The following LYST variants were observed in gnomAD, a reference collection of about 807,000 sequenced individuals.
LYST encodes lysosomal trafficking regulator.
A neutral mutation model predicts 413.6 loss-of-function variants in LYST; 192 were observed. The ratio of observed to expected loss-of-function variants is 0.46; its 90% CI spans 0.41 to 0.52. The LOEUF is 0.52. Ranked by LOEUF, LYST falls within the 20% of genes least tolerant of loss-of-function variation. The pLI is 0.00. For synonymous variants in LYST, 1,525 were observed against 1,567.3 expected, an observed-to-expected ratio of 0.97 and a Z score of 0.64; for missense variants, 3,815 against 4,499.9, an observed-to-expected ratio of 0.85 and a Z score of 4.35.
At chr1:235,691,433 C>G (rs79755770) in intron 47 of LYST, among the ~76,000 whole-genome samples, 9 of 152,306 alleles carry the variant, frequency 5.9e-5, no homozygotes, top group East Asian at 1.9e-4. Context: ...TTCTACTATA[C>G]ATGATGTCTG....
chr1:235,673,668 G>A (rs1659151592), intron 50 of LYST, among the ~76,000 whole-genome samples: 1 of 152,150 alleles, frequency 6.6e-6, no homozygotes, highest in Non-Finnish European at 1.5e-5. Flanking sequence ...TGGTCTAGGA[G>A]AAAATGCCGT....
At chr1:235,741,124 A>G (rs1241646848) in intron 31 of LYST, among the ~76,000 whole-genome samples, 1 of 152,230 alleles carries the variant, frequency 6.6e-6, no homozygotes, top group Non-Finnish European at 1.5e-5. Flanking sequence ...AAAAGCCTCC[A>G]AACAATCCTT....
chr1:235,731,658 A>G (rs1664393108), intron 34 of LYST, among the ~76,000 whole-genome samples: 1 of 150,202 alleles, frequency 6.7e-6, no homozygotes, highest in East Asian at 2.0e-4. Context: ...TCCCGGGCTC[A>G]AGCGATTCTC....
At chr1:235,788,488 G>A (rs187049242) in intron 13 of LYST, among the ~76,000 whole-genome samples, 184 of 152,050 alleles carry the variant, frequency 1.2e-3, no homozygotes, top group African/African-American at 4.3e-3. Context: ...ACACCCAGCC[G>A]AGAATTAATA....
intron 31 of LYST, chr1:235,738,954 C>T (rs1572111521): frequency 1.4e-6 from 1 of 728,532 alleles, no homozygotes; most frequent in East Asian, 2.5e-5. Context: ...CAGTGCAGAT[C>T]CACTTTGGGG....
rs761912894 is a variant in LYST at position 235,805,858 on chromosome 1, C to T, written c.3278G>A (p.Ser1093Asn). ...AAPEEAKLFTSQESETSLQSI... is the reference protein window; with the variant it reads ...AAPEEAKLFTNQESETSLQSI... Reference sequence around the variant, plus strand: ...TTGAAGTGAGGTCTCACTTTCTTGACTTGTAAATAGCTTTGCTTCCTCGGG... The same window carrying T: ...TTGAAGTGAGGTCTCACTTTCTTGATTTGTAAATAGCTTTGCTTCCTCGGG... The change falls in exon 6 of 53, where the codon AGT (serine) becomes AAT (asparagine). Residue 1093 changes from serine to asparagine, a missense_variant. This residue lies in a region of LYST where 1,648 missense variants were observed against 1,810.3 expected (regional missense o/e 0.91). Transcript: ENST00000389793. The T allele has an allele frequency of 4.3e-6, 7 of 1,613,786 alleles. No homozygotes were observed. In the South Asian group the frequency reaches 7.7e-5, roughly 18 times the overall value.
intron 39 of LYST, among the ~76,000 whole-genome samples, chr1:235,723,434 C>G (rs1663571624): frequency 1.3e-5 from 2 of 152,102 alleles, no homozygotes; most frequent in African/African-American, 4.8e-5. Flanking sequence ...AAGGAGGCGT[C>G]TGCAACCAAG....
chr1:235,713,030 C>T (rs934377146), intron 42 of LYST: 3 of 985,378 alleles, frequency 3.0e-6, no homozygotes, highest in Non-Finnish European at 3.6e-6. Context: ...CACATCTTTT[C>T]ATTTGGAGAC....
chr1:235,753,331 A>C (rs1229848277), intron 25 of LYST, 57 bp from the exon 26 acceptor site: 5 of 1,071,544 alleles, frequency 4.7e-6, no homozygotes, highest in East Asian at 4.7e-5. Flanking sequence ...ATAAGAAAAT[A>C]TGATAGCAAC....
chr1:235,722,335 T>C lies in LYST; in HGVS notation c.9316-1430A>G, dbSNP rs749965806. Among the ~76,000 whole-genome samples, 8 of 152,200 alleles carry C rather than the reference T, an allele frequency of 5.3e-5. No homozygotes were observed. The South Asian group carries it at 8.3e-4, about 16-fold the overall frequency. ...AGAAAAGATATGATCCAACATACTT[T>C]AGCTGCTGTGTTGAGAATAATCTGA... On this transcript the variant is annotated intron_variant, in intron 39 of 52. Coordinates refer to ENST00000389793, the MANE Select transcript of LYST (RefSeq NM_000081.4).
intron 22 of LYST, 74 bp from the exon 23 acceptor site, chr1:235,759,673 C>T (rs935532055): frequency 1.8e-6 from 2 of 1,140,738 alleles, no homozygotes; most frequent in Non-Finnish European, 1.3e-6. Context: ...CATTATAAAT[C>T]ACAACCACAG....
intron 42 of LYST, among the ~76,000 whole-genome samples, chr1:235,714,393 T>C (rs1662662337): frequency 6.6e-6 from 1 of 152,202 alleles, no homozygotes; most frequent in South Asian, 2.1e-4. Flanking sequence ...AGCTGTCATA[T>C]AGAACATTTG....
chr1:235,666,677 A>T (rs994623414), intron 50 of LYST, among the ~76,000 whole-genome samples: 10 of 151,954 alleles, frequency 6.6e-5, no homozygotes, highest in African/African-American at 1.9e-4. Flanking sequence ...TAGAACATTG[A>T]TTATATCTAA....
intron 39 of LYST, among the ~76,000 whole-genome samples, chr1:235,721,740 C>T (rs557672060): frequency 1.8e-4 from 27 of 152,088 alleles, no homozygotes; most frequent in African/African-American, 6.5e-4. Context: ...GCGCTAAGGT[C>T]CACGGAAGGG....
chr1:235,738,294 C>T (rs1664996761), intron 31 of LYST: 4 of 1,611,738 alleles, frequency 2.5e-6, no homozygotes, highest in Non-Finnish European at 3.4e-6. Flanking sequence ...GGCTGAGGCA[C>T]ATCGCAAGAG....
intron 1 of LYST, among the ~76,000 whole-genome samples, chr1:235,849,600 T>C (rs547169467): frequency 6.6e-5 from 10 of 152,140 alleles, no homozygotes; most frequent in Admixed American, 5.2e-4. Context: ...GATGATATGA[T>C]TGTTTACCTT....
At chr1:235,742,243 T>C (rs1484433460) in intron 30 of LYST, among the ~76,000 whole-genome samples, 2 of 152,026 alleles carry the variant, frequency 1.3e-5, no homozygotes, top group Non-Finnish European at 2.9e-5. Context: ...TCACCTGAGG[T>C]CAGGAGTTCA....
At chr1:235,723,358 G>C (rs1054899265) in intron 39 of LYST, among the ~76,000 whole-genome samples, 2 of 152,118 alleles carry the variant, frequency 1.3e-5, no homozygotes, top group African/African-American at 4.8e-5. Context: ...AATACAGATG[G>C]TATTTTAAAG....
intron 24 of LYST, among the ~76,000 whole-genome samples, chr1:235,755,985 T>A (rs1667004271): frequency 6.6e-6 from 1 of 150,772 alleles, no homozygotes; most frequent in African/African-American, 2.4e-5. Context: ...CCGTAAACTA[T>A]GCTCTCTCTG....
Sources: gnomAD v4.1 joint callset for allele counts (sites outside exome capture counted in the v4.1 genomes callset) on GRCh38, gnomAD v4.1.1 for gene constraint, gnomAD v4.1.1 regional missense constraint, MANE v1.5 for transcripts, NCBI Gene and HGNC (gene_info 2026-07-23, HGNC 2026-07-21) for gene names.